Variants in CA10 observed in about 807,000 individuals in gnomAD.
The protein encoded by CA10 is carbonic anhydrase 10 (inactive).
CA10 carries 14 observed loss-of-function variants against 44.2 expected under a neutral mutation model. The ratio of observed to expected loss-of-function variants is 0.32; its 90% CI spans 0.21 to 0.50. CA10 has a LOEUF of 0.50. Among genes scored for constraint, CA10 ranks in the 20% least tolerant of loss-of-function variants. The probability of loss-of-function intolerance (pLI) is 0.99; values close to 1 mark genes in which losing one functional copy is unlikely to be tolerated. For synonymous variants in CA10, 159 were observed against 141.6 expected, an observed-to-expected ratio of 1.12 and a Z score of -0.87; for missense variants, 350 against 409.7, an observed-to-expected ratio of 0.85 and a Z score of 1.26.
chr17:51,915,766 T>C (rs1315303554), intron 3 of CA10, among the ~76,000 whole-genome samples: 1 of 152,158 alleles, frequency 6.6e-6, no homozygotes, highest in Non-Finnish European at 1.5e-5. Context: ...TTTTTAGCAG[T>C]TCATTTTTTA....
At chr17:51,848,534 C>T (rs910130176) in intron 3 of CA10, among the ~76,000 whole-genome samples, 1 of 152,176 alleles carries the variant, frequency 6.6e-6, no homozygotes, top group Non-Finnish European at 1.5e-5. Flanking sequence ...TGCACATAAG[C>T]AAACAAACAT....
chr17:51,728,075 A>G (rs1251180766), intron 4 of CA10, among the ~76,000 whole-genome samples: 1 of 152,094 alleles, frequency 6.6e-6, no homozygotes, highest in Admixed American at 6.6e-5. Flanking sequence ...GTTGTTTGGT[A>G]GAGACAAGGT....
intron 3 of CA10, among the ~76,000 whole-genome samples, chr17:51,827,503 G>A (rs1908065747): frequency 6.6e-6 from 1 of 152,168 alleles, no homozygotes. Flanking sequence ...CTTACTTGAG[G>A]AACACTTTTT....
intron 2 of CA10, among the ~76,000 whole-genome samples, chr17:52,014,599 GAA>G (rs1023584338): frequency 3.9e-5 from 6 of 151,954 alleles, no homozygotes. Flanking sequence ...AGCTATCATG[GAA>G]AAGTTAGTTA....
intron 1 of CA10, among the ~76,000 whole-genome samples, chr17:52,085,208 CT>C (rs774095918): frequency 6.6e-6 from 1 of 152,150 alleles, no homozygotes; most frequent in Non-Finnish European, 1.5e-5. Flanking sequence ...CCATTCTTTC[CT>C]TCACATTTCT....
chr17:51,815,018 G>C (rs1907511359), intron 3 of CA10, among the ~76,000 whole-genome samples: 7 of 152,148 alleles, frequency 4.6e-5, no homozygotes. Context: ...TTCTTTCTGA[G>C]TTGCGTTGAA....
At chr17:51,706,407 G>C (rs1263968) in intron 4 of CA10, among the ~76,000 whole-genome samples, 50,812 of 151,836 alleles carry the variant, frequency 0.33, 9,087 homozygotes, top group Admixed American at 0.41. Flanking sequence ...AGCATACCAA[G>C]TCTAGCAGTA....
chr17:52,137,775 C>A (rs1360443537), intron 1 of CA10, among the ~76,000 whole-genome samples: 5 of 152,160 alleles, frequency 3.3e-5, no homozygotes. Flanking sequence ...CAATCACAAG[C>A]AATTTTACTT....
chr17:51,679,685 A>G (rs9913498), intron 4 of CA10, among the ~76,000 whole-genome samples: 20,525 of 151,700 alleles, frequency 0.14, 3,261 homozygotes, highest in African/African-American at 0.38. Context: ...TCAGCCTCCC[A>G]AATGGAGACT....
intron 2 of CA10, among the ~76,000 whole-genome samples, chr17:52,048,951 G>T (rs1365673593): frequency 6.6e-6 from 1 of 151,428 alleles, no homozygotes; most frequent in Non-Finnish European, 1.5e-5. Context: ...ACTAAAAAAT[G>T]ATTGAAGAAA....
intron 2 of CA10, among the ~76,000 whole-genome samples, chr17:52,045,616 T>A (rs1253496550): frequency 6.6e-6 from 1 of 151,890 alleles, no homozygotes; most frequent in South Asian, 2.1e-4. Context: ...TAAAGAAAAA[T>A]TGCTAGAACT....
At chr17:52,143,775 G>A (rs899236772) in intron 1 of CA10, among the ~76,000 whole-genome samples, 1 of 152,072 alleles carries the variant, frequency 6.6e-6, no homozygotes, top group African/African-American at 2.4e-5. Context: ...TGCATTCTCA[G>A]TTGTAATCCA....
chr17:52,136,420 G>A (rs1471037078), intron 1 of CA10, among the ~76,000 whole-genome samples: 3 of 152,186 alleles, frequency 2.0e-5, no homozygotes, highest in African/African-American at 7.2e-5. Flanking sequence ...TCTGTCAACA[G>A]GACGGCTGAG....
chr17:52,157,531 C>CT (rs369078168), intron 1 of CA10, among the ~76,000 whole-genome samples, 195 bp downstream of exon 1: 1 of 145,994 alleles, frequency 6.8e-6, no homozygotes, highest in South Asian at 2.4e-4. Flanking sequence ...TCCTAACCAC[C>CT]CCCCCCCGCA....
intron 1 of CA10, among the ~76,000 whole-genome samples, chr17:52,072,965 T>C (rs1229082678): frequency 6.6e-6 from 1 of 152,104 alleles, no homozygotes; most frequent in Non-Finnish European, 1.5e-5. Context: ...TTGGAAAATA[T>C]CGTGGAGATC....
chr17:52,057,792 A>T (rs1290996855), intron 2 of CA10, among the ~76,000 whole-genome samples: 1 of 152,098 alleles, frequency 6.6e-6, no homozygotes, highest in African/African-American at 2.4e-5. Flanking sequence ...GGTGGGTTTC[A>T]TTATTATTAT....
intron 2 of CA10, among the ~76,000 whole-genome samples, chr17:52,046,686 A>G (rs1986922110): frequency 6.6e-6 from 1 of 151,928 alleles, no homozygotes. Context: ...TTCAGAAACC[A>G]GACACAGAAT....
chr17:51,774,899 A>G (rs894186265), intron 3 of CA10, among the ~76,000 whole-genome samples: 3 of 152,178 alleles, frequency 2.0e-5, no homozygotes, highest in Non-Finnish European at 2.9e-5. Context: ...TACATCCTAT[A>G]GTTACGCACC....
chr17:51,721,308 G>C (rs1158556749), intron 4 of CA10, among the ~76,000 whole-genome samples: 1 of 152,084 alleles, frequency 6.6e-6, no homozygotes, highest in African/African-American at 2.4e-5. Context: ...CTGCAGCCTG[G>C]GGGCCAGAGT....
Sources: allele counts gnomAD v4.1 joint callset (sites outside exome capture counted in the v4.1 genomes callset), GRCh38; gene constraint gnomAD v4.1.1; transcripts MANE v1.5; gene names NCBI Gene and HGNC (gene_info 2026-07-23, HGNC 2026-07-21).